POLH: variants seen among roughly 807,000 people sequenced by gnomAD.
The protein encoded by POLH is DNA polymerase eta transcript.
A neutral mutation model predicts 73.6 loss-of-function variants in POLH; 53 were observed. The observed-to-expected ratio is 0.72, with a 90% CI of 0.58 to 0.91. POLH has a LOEUF of 0.91. POLH is among the 40% of genes least tolerant of loss of function. The probability of loss-of-function intolerance (pLI) is 0.00; values close to 1 mark genes in which losing one functional copy is unlikely to be tolerated. For missense variants in POLH, 768 were observed against 865.4 expected, an observed-to-expected ratio of 0.89 and a Z score of 1.41; for synonymous variants, 292 against 308.5, an observed-to-expected ratio of 0.95 and a Z score of 0.56.
At chr6:43,605,119 T>C (rs966237736) in intron 8 of POLH, 135 bp from the exon 9 acceptor site, 6 of 696,944 alleles carry the variant, frequency 8.6e-6, no homozygotes, top group Non-Finnish European at 1.6e-5. Context: ...TTCTATGATC[T>C]GGTGATCCTT....
In POLH at chr6:43,605,236, G is replaced by A; in HGVS notation, c.1009-18G>A. On this transcript the variant is annotated intron_variant, in intron 8 of 10. Coordinates refer to ENST00000372236, the MANE Select transcript of POLH (RefSeq NM_006502.3). ...TCGAGTGTTTAAATGAAAGATTAAAGTCTCAATACTTTTTTAGGTACAATG... is the reference window on the plus strand; with the variant it reads ...TCGAGTGTTTAAATGAAAGATTAAAATCTCAATACTTTTTTAGGTACAATG... The A allele has an allele frequency of 6.8e-7, 1 of 1,476,030 alleles. No homozygotes were observed. Among genetic ancestry groups the A allele is most frequent in the South Asian group, 1.1e-5 (1 of 87,662 alleles). 91.4% of individuals were successfully genotyped at this position (1,476,030 alleles called of 1,614,324 possible). A position where few individuals can be genotyped will look rare whatever the true frequency, so the allele number is the denominator to read the frequency against.
intron 4 of POLH, among the ~76,000 whole-genome samples, chr6:43,593,022 A>G (rs984210823): frequency 6.6e-6 from 1 of 152,140 alleles, no homozygotes; most frequent in South Asian, 2.1e-4. Context: ...ACCTGGCCTT[A>G]CAAAACAGTT....
intron 1 of POLH, among the ~76,000 whole-genome samples, chr6:43,580,754 C>T (rs1170118707): frequency 9.8e-5 from 13 of 132,720 alleles, no homozygotes; most frequent in Non-Finnish European, 1.6e-4. Context: ...GGCGGCTGGC[C>T]GGGCGGGGGG....
chr6:43,584,385 C>T (rs1764590133), intron 3 of POLH, among the ~76,000 whole-genome samples: 1 of 152,136 alleles, frequency 6.6e-6, no homozygotes, highest in Non-Finnish European at 1.5e-5. Context: ...ATAGACTTGA[C>T]TGAAGATTAA....
intron 6 of POLH, among the ~76,000 whole-genome samples, chr6:43,603,254 G>A (rs1276487181): frequency 6.6e-6 from 1 of 151,974 alleles, no homozygotes; most frequent in Non-Finnish European, 1.5e-5. Context: ...AGCCTCCCAA[G>A]TAGCTGGGAC....
In POLH at chr6:43,618,248, C is replaced by T. The variant is rs1395403494; in HGVS notation, c.*3691C>T. On this transcript the variant is annotated 3_prime_UTR_variant, in exon 11 of 11. Transcript: ENST00000372236. ...TTGGCTCACTGCAACCTCCGTCTCT[C>T]GGGTTCAAGCAATTCTCCTGCCTCA... Among the ~76,000 whole-genome samples, 3 of 151,974 alleles carry T rather than the reference C, an allele frequency of 2.0e-5. No individual in the cohort carries two copies. Among genetic ancestry groups the T allele is most frequent in the Non-Finnish European group, 4.4e-5 (3 of 68,004 alleles).
intron 6 of POLH, among the ~76,000 whole-genome samples, chr6:43,602,373 T>G (rs1272855014): frequency 1.3e-5 from 2 of 152,186 alleles, no homozygotes; most frequent in African/African-American, 4.8e-5. Flanking sequence ...AATTGATAAA[T>G]GAATTGTGCA....
At chr6:43,580,868 C>CG (rs1202618779) in intron 1 of POLH, among the ~76,000 whole-genome samples, 19 of 143,872 alleles carry the variant, frequency 1.3e-4, no homozygotes, top group African/African-American at 4.7e-4. Flanking sequence ...ACCTCCCAGA[C>CG]GGGGCGGCTG....
At position 43,597,868 on chromosome 6, in the gene POLH, G is replaced by C; in HGVS notation, c.660+3G>C. ...CAGCTGGAATTTCACACAATAAGGT[G>C]AAGGCTAATAGTAGATTTCAAAGAG... On this transcript the variant is annotated splice_donor_region_variant and intron_variant, in intron 5 of 10. Transcript: ENST00000372236. The C allele has an allele frequency of 1.2e-6, 2 of 1,607,320 alleles. No individual in the cohort carries two copies. The highest frequency in any genetic ancestry group is 1.7e-6 in the Non-Finnish European group (2 of 1,173,774).
chr6:43,597,938 T>G, intron 5 of POLH, 73 bp downstream of exon 5: 2 of 1,335,448 alleles, frequency 1.5e-6, no homozygotes. Context: ...CAGTGGGACA[T>G]TGAAATTATT....
intron 7 of POLH, 150 bp downstream of exon 7, chr6:43,604,161 T>C: frequency 1.4e-6 from 1 of 727,792 alleles, no homozygotes; most frequent in Non-Finnish European, 2.4e-6. Context: ...TTCAATATCT[T>C]GGGTCACTAT....
At chr6:43,593,549 G>A (rs1765699873) in intron 4 of POLH, among the ~76,000 whole-genome samples, 2 of 152,252 alleles carry the variant, frequency 1.3e-5, no homozygotes, top group East Asian at 1.9e-4. Context: ...TGTGTGTGGT[G>A]GCAATTCATT....
chr6:43,595,800 TAAATA>T (rs1383611690), intron 4 of POLH, among the ~76,000 whole-genome samples: 2 of 151,936 alleles, frequency 1.3e-5, no homozygotes, highest in East Asian at 1.9e-4. Context: ...AATAATTAAA[TAAATA>T]AAATAAAGTT....
At position 43,614,865 on chromosome 6, in the gene POLH, T is replaced by C. The variant is rs1561916258; in HGVS notation, c.*308T>C. On this transcript the variant is annotated 3_prime_UTR_variant, in exon 11 of 11. Coordinates refer to ENST00000372236, the MANE Select transcript of POLH (RefSeq NM_006502.3). ...TAAGAGACGTGGTTGCAAACTTAGC[T>C]CTGGTTATTGCAATGAGGGCCTTGA... 2.9e-6 allele frequency: 1 copy of C among 346,032 alleles called. No homozygotes were observed. The allele number at this position is 346,032 out of a possible 1,614,324, so 21.4% of individuals were successfully genotyped here.
rs372506540 is a variant in POLH, at chr6:43,614,881, A to C, written c.*324A>C. On this transcript the variant is annotated 3_prime_UTR_variant, in exon 11 of 11. Transcript: ENST00000372236. ...AAACTTAGCTCTGGTTATTGCAATG[A>C]GGGCCTTGAACAAGTCATTTTCTTC... The C allele has an allele frequency of 2.5e-5, 8 of 313,976 alleles. 2 individuals carry two copies. The East Asian group carries it at 4.7e-4, about 18-fold the overall frequency. The allele number at this position is 313,976 out of a possible 1,614,324, so 19.4% of individuals were successfully genotyped here.
At chr6:43,589,051 G>C (rs1765156686) in intron 4 of POLH, among the ~76,000 whole-genome samples, 1 of 151,212 alleles carries the variant, frequency 6.6e-6, no homozygotes, top group South Asian at 2.1e-4. Context: ...TGTTAGCCAA[G>C]ATGGTCTCGA....
In POLH at chr6:43,614,161, G is replaced by A. The variant is rs766352550; in HGVS notation, c.1746G>A (p.Ser582=). 7.4e-6 allele frequency: 12 copies of A among 1,614,146 alleles called. No homozygotes were observed. Among genetic ancestry groups the A allele is most frequent in the African/African-American group, 2.7e-5 (2 of 75,030 alleles). The change falls in exon 11 of 11, where the codon TCG becomes TCA. Residue 582 remains serine (S), a synonymous_variant. Transcript: ENST00000372236. ...PGCVPVCEGV[S]KLEESSKATP... is the part of the protein sequence containing the mutation. ...GTGTCCCTGTTTGTGAAGGGGTGTC[G>A]AAGCTAGAAGAATCCTCTAAAGCAA...
chr6:43,604,779 G>T (rs751332615), intron 8 of POLH, 41 bp downstream of exon 8: 1 of 1,610,396 alleles, frequency 6.2e-7, no homozygotes, highest in South Asian at 1.1e-5. Flanking sequence ...TCTTTTAAAG[G>T]GGTCAGTGGG....
At chr6:43,606,249 G>C (rs905095142) in intron 9 of POLH, among the ~76,000 whole-genome samples, 1 of 149,968 alleles carries the variant, frequency 6.7e-6, no homozygotes, top group African/African-American at 2.5e-5. Context: ...CAATAGACTT[G>C]TTCACCCTAC....
Sources: gnomAD v4.1 joint callset for allele counts (sites outside exome capture counted in the v4.1 genomes callset) on GRCh38, gnomAD v4.1.1 for gene constraint, MANE v1.5 for transcripts, NCBI Gene and HGNC (gene_info 2026-07-23, HGNC 2026-07-21) for gene names.